The following TMEM132D variants were observed in gnomAD, a reference collection of about 807,000 sequenced individuals.
TMEM132D encodes transmembrane protein 132D.
A neutral mutation model predicts 62.3 loss-of-function variants in TMEM132D; 21 were observed. That is an observed-to-expected ratio of 0.34 (90% CI 0.24 to 0.49). TMEM132D has a LOEUF of 0.49. Among genes scored for constraint, TMEM132D ranks in the 20% least tolerant of loss-of-function variants. TMEM132D has a pLI of 0.99. For missense variants in TMEM132D, 1,346 were observed against 1,402.8 expected, an observed-to-expected ratio of 0.96 and a Z score of 0.65; for synonymous variants, 621 against 575.6, an observed-to-expected ratio of 1.08 and a Z score of -1.13.
intron 1 of TMEM132D, among the ~76,000 whole-genome samples, chr12:129,730,578 G>A (rs552811793): frequency 3.9e-5 from 6 of 152,150 alleles, no homozygotes; most frequent in East Asian, 1.9e-4. Flanking sequence ...AATAATGAGC[G>A]TCAACTTGAT....
chr12:129,632,016 T>C (rs185672309), intron 2 of TMEM132D, among the ~76,000 whole-genome samples: 26 of 152,276 alleles, frequency 1.7e-4, no homozygotes, highest in African/African-American at 6.0e-4. Flanking sequence ...CAGGAAGACG[T>C]TCACTGCAGC....
At chr12:129,446,822 A>T (rs967747184) in intron 3 of TMEM132D, among the ~76,000 whole-genome samples, 3 of 152,184 alleles carry the variant, frequency 2.0e-5, no homozygotes, top group African/African-American at 7.2e-5. Flanking sequence ...TGATTTCTTT[A>T]TTAGAAACAG....
At chr12:129,866,292 A>G (rs1329052826) in intron 1 of TMEM132D, among the ~76,000 whole-genome samples, 1 of 152,150 alleles carries the variant, frequency 6.6e-6, no homozygotes, top group East Asian at 1.9e-4. Context: ...TGTCCTTTGT[A>G]GGGTCATGGA....
chr12:129,331,971 G>A (rs188986542), intron 4 of TMEM132D, among the ~76,000 whole-genome samples: 107 of 152,336 alleles, frequency 7.0e-4, no homozygotes, highest in African/African-American at 2.5e-3. Flanking sequence ...AGCATTTTGG[G>A]AGGCAGAGGC....
intron 5 of TMEM132D, among the ~76,000 whole-genome samples, chr12:129,128,469 C>T (rs902803721): frequency 6.6e-6 from 1 of 152,070 alleles, no homozygotes; most frequent in Admixed American, 6.5e-5. Context: ...CACTTTTAAA[C>T]CACAAGATCT....
At chr12:129,529,216 T>C (rs753491990) in intron 3 of TMEM132D, among the ~76,000 whole-genome samples, 14 of 152,212 alleles carry the variant, frequency 9.2e-5, no homozygotes. Flanking sequence ...AGATAAGGAA[T>C]GGTCTTCACT....
intron 1 of TMEM132D, among the ~76,000 whole-genome samples, chr12:129,701,269 A>G (rs1330030502): frequency 6.6e-6 from 1 of 152,234 alleles, no homozygotes; most frequent in African/African-American, 2.4e-5. Context: ...TGGGGCAAAA[A>G]TAGACGCAGA....
chr12:129,873,845 G>C (rs1254671791), intron 1 of TMEM132D, among the ~76,000 whole-genome samples: 1 of 152,188 alleles, frequency 6.6e-6, no homozygotes, highest in Non-Finnish European at 1.5e-5. Context: ...AGTATTCTAG[G>C]CTGAACTGAG....
chr12:129,352,510 A>G (rs1368444614), intron 3 of TMEM132D, among the ~76,000 whole-genome samples: 1 of 151,596 alleles, frequency 6.6e-6, no homozygotes, highest in Non-Finnish European at 1.5e-5. Flanking sequence ...CAATCTATGT[A>G]TCTGACAAAG....
At chr12:129,742,166 T>A (rs6650191) in intron 1 of TMEM132D, among the ~76,000 whole-genome samples, 89,851 of 151,664 alleles carry the variant, frequency 0.59, 26,732 homozygotes, top group Middle Eastern at 0.65. Context: ...AGTTCTAACA[T>A]TAGCCATCTG....
intron 5 of TMEM132D, among the ~76,000 whole-genome samples, chr12:129,105,559 G>A (rs1384060865): frequency 1.7e-4 from 24 of 141,134 alleles, no homozygotes; most frequent in South Asian, 4.4e-4. Flanking sequence ...TAAAAAAAAA[G>A]AAAAAAAAAA....
chr12:129,709,867 A>G (rs1284982277), intron 1 of TMEM132D, among the ~76,000 whole-genome samples: 1 of 152,242 alleles, frequency 6.6e-6, no homozygotes, highest in Admixed American at 6.5e-5. Flanking sequence ...CCATTATTTT[A>G]TGTACCACTA....
chr12:129,762,581 G>A (rs542846555), intron 1 of TMEM132D, among the ~76,000 whole-genome samples: 13 of 152,046 alleles, frequency 8.6e-5, no homozygotes, highest in East Asian at 3.9e-4. Context: ...TCATAAGCAC[G>A]GAGGGGAAAC....
intron 8 of TMEM132D, among the ~76,000 whole-genome samples, chr12:129,075,341 GTGTTGTTATAAAA>G (rs995598803): frequency 6.7e-6 from 1 of 150,136 alleles, no homozygotes; most frequent in Non-Finnish European, 1.5e-5. Context: ...TCTCCTGTAG[GTGTTGTTATAAAA>G]GGAAGATGGG....
chr12:129,394,953 C>T (rs897080838), intron 3 of TMEM132D, among the ~76,000 whole-genome samples: 2 of 152,122 alleles, frequency 1.3e-5, no homozygotes, highest in Admixed American at 1.3e-4. Context: ...GACTTGTATA[C>T]TCAGAAGGGG....
At chr12:129,317,416 G>A (rs1254907895) in intron 4 of TMEM132D, among the ~76,000 whole-genome samples, 1 of 152,108 alleles carries the variant, frequency 6.6e-6, no homozygotes, top group Non-Finnish European at 1.5e-5. Flanking sequence ...AGTTTTCCTG[G>A]ATACAAAATT....
At chr12:129,689,320 A>G (rs1478530532) in intron 2 of TMEM132D, among the ~76,000 whole-genome samples, 1 of 152,182 alleles carries the variant, frequency 6.6e-6, no homozygotes, top group East Asian at 1.9e-4. Context: ...TATAGAGAAA[A>G]TATATTCTTA....
intron 5 of TMEM132D, among the ~76,000 whole-genome samples, chr12:129,099,766 G>A (rs968750962): frequency 6.6e-6 from 1 of 152,208 alleles, no homozygotes; most frequent in Non-Finnish European, 1.5e-5. Context: ...GGAAAGGACA[G>A]ATGTTGCATT....
chr12:129,342,724 T>C (rs1869537476), intron 3 of TMEM132D, among the ~76,000 whole-genome samples: 1 of 151,744 alleles, frequency 6.6e-6, no homozygotes, highest in Non-Finnish European at 1.5e-5. Flanking sequence ...CAAACAAACT[T>C]ACAAGAAAAA....
Sources: gnomAD v4.1 joint callset for allele counts (sites outside exome capture counted in the v4.1 genomes callset) on GRCh38, gnomAD v4.1.1 for gene constraint, MANE v1.5 for transcripts, NCBI Gene and HGNC (gene_info 2026-07-23, HGNC 2026-07-21) for gene names.